Variants in FGF12 observed in about 807,000 individuals in gnomAD.
FGF12 encodes the protein fibroblast growth factor 12B.
In FGF12, 14 loss-of-function variants were observed where a neutral mutation model predicts 23.6. That is an observed-to-expected ratio of 0.59 (90% CI 0.39 to 0.93). The LOEUF (loss-of-function observed/expected upper bound fraction) is 0.93, where lower values mean the gene tolerates loss of function less well. Ranked by LOEUF, FGF12 falls within the 40% of genes least tolerant of loss-of-function variation. The probability of loss-of-function intolerance (pLI) is 0.00; values close to 1 mark genes in which losing one functional copy is unlikely to be tolerated. For missense variants in FGF12, 175 were observed against 217.8 expected (o/e 0.80, Z 1.24); for synonymous variants, 62 against 77.3 (o/e 0.80, Z 1.04).
At chr3:192,280,894 G>A (rs1448767315) in intron 4 of FGF12, among the ~76,000 whole-genome samples, 1 of 152,150 alleles carries the variant, frequency 6.6e-6, no homozygotes, top group African/African-American at 2.4e-5. Context: ...TCTTAAAAAT[G>A]TAAAATTTAG....
intron 4 of FGF12, among the ~76,000 whole-genome samples, chr3:192,328,518 G>A (rs1178466682): frequency 2.6e-5 from 4 of 152,166 alleles, no homozygotes; most frequent in Non-Finnish European, 5.9e-5. Flanking sequence ...TCAGTATTTG[G>A]TACTTCTACT....
intron 5 of FGF12, among the ~76,000 whole-genome samples, chr3:192,167,772 A>ATATATATATATATT (rs1715302128): frequency 6.5e-5 from 1 of 15,394 alleles, no homozygotes; most frequent in African/African-American, 2.2e-4. Flanking sequence ...TATATATAAA[A>ATATATATATATATT]TTTTTTTTTT....
chr3:192,256,990 T>C (rs1276843325), intron 4 of FGF12, among the ~76,000 whole-genome samples: 1 of 152,156 alleles, frequency 6.6e-6, no homozygotes, highest in Non-Finnish European at 1.5e-5. Flanking sequence ...TCAGTAACTT[T>C]TTCCCATAAG....
At chr3:192,628,656 T>G (rs1272597735) in intron 2 of FGF12, among the ~76,000 whole-genome samples, 1 of 150,038 alleles carries the variant, frequency 6.7e-6, no homozygotes, top group Non-Finnish European at 1.5e-5. Context: ...AATGTATATA[T>G]AGCAAATATA....
intron 4 of FGF12, among the ~76,000 whole-genome samples, chr3:192,328,666 AT>A (rs1446807054): frequency 6.6e-6 from 1 of 152,158 alleles, no homozygotes; most frequent in Non-Finnish European, 1.5e-5. Flanking sequence ...TCTAAAGATG[AT>A]TCTGTGAGGC....
chr3:192,698,494 C>T (rs1395975886), intron 2 of FGF12, among the ~76,000 whole-genome samples: 2 of 152,074 alleles, frequency 1.3e-5, no homozygotes, highest in East Asian at 3.9e-4. Flanking sequence ...ATAGCAATGG[C>T]TGTATACACA....
chr3:192,501,352 A>G (rs554727367), intron 2 of FGF12, among the ~76,000 whole-genome samples: 2 of 152,324 alleles, frequency 1.3e-5, no homozygotes, highest in African/African-American at 2.4e-5. Context: ...TTTTAGGTGT[A>G]TTGGTGTTTG....
intron 4 of FGF12, among the ~76,000 whole-genome samples, chr3:192,224,867 C>T (rs1718653751): frequency 6.6e-6 from 1 of 152,118 alleles, no homozygotes; most frequent in African/African-American, 2.4e-5. Flanking sequence ...TAGTAGGTTA[C>T]AGCAGTAGTT....
intron 4 of FGF12, among the ~76,000 whole-genome samples, chr3:192,228,231 A>G (rs1198607383): frequency 6.6e-6 from 1 of 152,272 alleles, no homozygotes; most frequent in East Asian, 1.9e-4. Context: ...ATACACATCA[A>G]AACATTACAT....
chr3:192,409,087 G>T lies in FGF12; in HGVS notation c.14-48549C>A. 2.2e-6 allele frequency: 1 copy of T among 448,002 alleles called. No individual in the cohort carries two copies. The allele number at this position is 448,002 out of a possible 1,614,324, so 27.8% of individuals were successfully genotyped here. A position where few individuals can be genotyped will look rare whatever the true frequency, so the allele number is the denominator to read the frequency against. On this transcript the variant is annotated intron_variant, in intron 2 of 5. Transcript: ENST00000445105. The surrounding 1 kb of genome is among the most constrained non-coding windows in gnomAD (Gnocchi z 4.8). ...GGAGGCGAGGGAGGGGGGAGGGCGC[G>T]AGGGAGGGAGGGAGATCCTCGAGGG...
chr3:192,629,413 T>C (rs1715303007), intron 2 of FGF12, among the ~76,000 whole-genome samples: 1 of 152,210 alleles, frequency 6.6e-6, no homozygotes. Flanking sequence ...TGGGGAGATA[T>C]TACTAGTTAG....
intron 5 of FGF12, among the ~76,000 whole-genome samples, chr3:192,146,471 G>A (rs748378418): frequency 7.2e-5 from 11 of 151,786 alleles, no homozygotes; most frequent in East Asian, 1.9e-4. Flanking sequence ...GGGTTTCACC[G>A]TGTTAGCCAG....
At chr3:192,474,712 C>T (rs1324190600) in intron 2 of FGF12, among the ~76,000 whole-genome samples, 1 of 151,808 alleles carries the variant, frequency 6.6e-6, no homozygotes. Flanking sequence ...ATGGTGAAAC[C>T]CTGTCTCTAC....
chr3:192,605,277 T>A (rs1714290247), intron 2 of FGF12, among the ~76,000 whole-genome samples: 1 of 151,294 alleles, frequency 6.6e-6, no homozygotes, highest in African/African-American at 2.4e-5. Context: ...CTCGGGAGGC[T>A]GAGGCAGGCA....
At chr3:192,176,880 C>T (rs766930633) in intron 4 of FGF12, among the ~76,000 whole-genome samples, 1 of 152,178 alleles carries the variant, frequency 6.6e-6, no homozygotes, top group African/African-American at 2.4e-5. Flanking sequence ...ATTTTCCATT[C>T]TGTCTCCAAC....
chr3:192,193,827 G>A (rs1040901188), intron 4 of FGF12, among the ~76,000 whole-genome samples: 6 of 151,728 alleles, frequency 4.0e-5, no homozygotes, highest in Non-Finnish European at 8.8e-5. Flanking sequence ...TACCATCAGC[G>A]TGATTCTCAG....
At chr3:192,561,927 A>G (rs904591616) in intron 2 of FGF12, among the ~76,000 whole-genome samples, 3 of 151,944 alleles carry the variant, frequency 2.0e-5, no homozygotes, top group Non-Finnish European at 2.9e-5. Flanking sequence ...AAGAAAGAAA[A>G]AAAAAAGAAA....
At chr3:192,522,089 T>G (rs1724830420) in intron 2 of FGF12, among the ~76,000 whole-genome samples, 1 of 152,016 alleles carries the variant, frequency 6.6e-6, no homozygotes, top group South Asian at 2.1e-4. Flanking sequence ...TCCCAGCTAC[T>G]CGGGAGGCTG....
At chr3:192,226,411 C>G (rs1221973366) in intron 4 of FGF12, among the ~76,000 whole-genome samples, 3 of 152,090 alleles carry the variant, frequency 2.0e-5, no homozygotes, top group African/African-American at 7.2e-5. Context: ...TGCTGAGATC[C>G]TTAAAATAAG....
Sources: gnomAD v4.1 joint callset for allele counts (sites outside exome capture counted in the v4.1 genomes callset) on GRCh38, gnomAD v4.1.1 for gene constraint, Gnocchi (gnomAD v3.1) non-coding constraint, MANE v1.5 for transcripts, NCBI Gene and HGNC (gene_info 2026-07-23, HGNC 2026-07-21) for gene names.